TBXAS1: variants seen among roughly 807,000 people sequenced by gnomAD.
The protein encoded by TBXAS1 is thromboxane-A synthase.
TBXAS1 carries 48 observed loss-of-function variants against 60.7 expected under a neutral mutation model. The observed-to-expected ratio is 0.79, with a 90% CI of 0.63 to 1.01. The LOEUF (loss-of-function observed/expected upper bound fraction) is 1.01. TBXAS1 is among the 50% of genes least tolerant of loss of function. The pLI, the probability that TBXAS1 is intolerant of heterozygous loss-of-function variation, is 0.00. For synonymous variants in TBXAS1, 287 were observed against 269.7 expected (o/e 1.06, Z -0.63); for missense variants, 685 against 686.3 (o/e 1.00, Z 0.02).
chr7:139,871,803 T>C (rs764029000), intron 1 of TBXAS1, among the ~76,000 whole-genome samples: 1 of 152,242 alleles, frequency 6.6e-6, no homozygotes, highest in Non-Finnish European at 1.5e-5. Flanking sequence ...GTCTTGACCA[T>C]GAAAATACAC....
chr7:139,906,915 A>G (rs1057015164), intron 3 of TBXAS1, among the ~76,000 whole-genome samples: 1 of 152,186 alleles, frequency 6.6e-6, no homozygotes, highest in Non-Finnish European at 1.5e-5. Flanking sequence ...TGCTGAACTC[A>G]CTTATTAGTT....
chr7:139,997,863 GCCA>G (rs1813400573), intron 9 of TBXAS1, among the ~76,000 whole-genome samples: 2 of 152,180 alleles, frequency 1.3e-5, no homozygotes, highest in Non-Finnish European at 2.9e-5. Context: ...ACCCGGCAGT[GCCA>G]TGCCCAGATG....
chr7:139,916,593 C>G lies in TBXAS1; in HGVS notation c.333+5272C>G, dbSNP rs1014825259. ...CCTCTCAGGGGCTGCTTCACTCGCTCTCCACACAGCTGTGAACATTGCAGG... is the reference window on the plus strand; with the variant it reads ...CCTCTCAGGGGCTGCTTCACTCGCTGTCCACACAGCTGTGAACATTGCAGG... On this transcript the variant is annotated intron_variant, in intron 4 of 12. Transcript: ENST00000448866. This position sits in a 1 kb window ranked among gnomAD's most constrained non-coding sequence, Gnocchi z 4.2. Among the ~76,000 whole-genome samples, 3 of 152,232 alleles carry G rather than the reference C, an allele frequency of 2.0e-5. No individual in the cohort carries two copies. The highest frequency in any genetic ancestry group is 4.8e-5 in the African/African-American group (2 of 41,460).
chr7:139,785,040 T>TG, intron 3 of TBXAS1, among the ~76,000 whole-genome samples: 1 of 152,146 alleles, frequency 6.6e-6, no homozygotes, highest in Non-Finnish European at 1.5e-5. Context: ...CAGGAATCTC[T>TG]GGGGGTGGCA....
intron 4 of TBXAS1, among the ~76,000 whole-genome samples, chr7:139,790,035 C>T (rs973814744): frequency 3.3e-5 from 5 of 152,244 alleles, no homozygotes; most frequent in Non-Finnish European, 5.9e-5. Flanking sequence ...GGAGCAACAT[C>T]ATTATTTAGG....
rs147065470 is a variant in TBXAS1, at chr7:140,007,057, C to T, written c.1135-34C>T. On this transcript the variant is annotated intron_variant, in intron 9 of 12. Transcript: ENST00000448866. Reference sequence around the variant, plus strand: ...AAATGCTGTGAGATTTGGGCTAACACGAACTTCTCCCTTTGTCACGACCCC... The same window carrying T: ...AAATGCTGTGAGATTTGGGCTAACATGAACTTCTCCCTTTGTCACGACCCC... 3,118 of 1,586,928 alleles carry T rather than the reference C, an allele frequency of 2.0e-3. 62 individuals are homozygous for T. The African/African-American group carries it at 0.036, about 19-fold the overall frequency.
intron 9 of TBXAS1, among the ~76,000 whole-genome samples, chr7:139,987,319 CG>C (rs1569522930): frequency 6.6e-6 from 1 of 152,108 alleles, no homozygotes; most frequent in Non-Finnish European, 1.5e-5. Context: ...CCCAGGGTCC[CG>C]GGGAGACTAA....
At chr7:139,785,406 A>C (rs1323847905) in intron 3 of TBXAS1, among the ~76,000 whole-genome samples, 1 of 152,102 alleles carries the variant, frequency 6.6e-6, no homozygotes, top group African/African-American at 2.4e-5. Flanking sequence ...CTGGTAAACA[A>C]TAACCACCTC....
At chr7:139,952,976 G>A (rs1412315206) in intron 5 of TBXAS1, among the ~76,000 whole-genome samples, 3 of 152,112 alleles carry the variant, frequency 2.0e-5, no homozygotes, top group Admixed American at 1.3e-4. Flanking sequence ...CATAGACTTG[G>A]GTTAATTCCA....
intron 11 of TBXAS1, 129 bp from the exon 12 acceptor site, chr7:140,017,542 G>A: frequency 8.0e-7 from 1 of 1,250,418 alleles, no homozygotes; most frequent in Non-Finnish European, 1.1e-6. Flanking sequence ...TCAGGAATGA[G>A]CAGCCATCAG....
At chr7:139,945,774 G>A (rs111649012) in intron 5 of TBXAS1, among the ~76,000 whole-genome samples, 1 of 152,194 alleles carries the variant, frequency 6.6e-6, no homozygotes, top group Non-Finnish European at 1.5e-5. Context: ...TGGCTTAGCT[G>A]AGTGCAAAGG....
At chr7:139,939,310 G>T (rs984407315) in intron 5 of TBXAS1, among the ~76,000 whole-genome samples, 1 of 123,788 alleles carries the variant, frequency 8.1e-6, no homozygotes, top group African/African-American at 3.2e-5. Context: ...GTTGCAGTAA[G>T]CCAAGATCAT....
intron 1 of TBXAS1, among the ~76,000 whole-genome samples, chr7:139,856,461 G>C (rs928408473): frequency 2.0e-5 from 3 of 152,214 alleles, no homozygotes; most frequent in African/African-American, 7.2e-5. Flanking sequence ...AATTGGAAAG[G>C]AGAGCTTTAT....
chr7:140,011,276 C>CAAAA (rs796088893), intron 10 of TBXAS1, among the ~76,000 whole-genome samples: 1 of 32,206 alleles, frequency 3.1e-5, no homozygotes, highest in African/African-American at 1.1e-4. Context: ...GACTCTGTCT[C>CAAAA]AAAAAAAACA....
At chr7:140,016,689 T>C (rs1478112441) in intron 11 of TBXAS1, 1 of 158,036 alleles carries the variant, frequency 6.3e-6, no homozygotes, top group East Asian at 1.8e-4. Flanking sequence ...ATTTCTGGGC[T>C]CTGTGATTGG....
At chr7:139,996,704 T>A (rs1355199582) in intron 9 of TBXAS1, among the ~76,000 whole-genome samples, 1 of 152,238 alleles carries the variant, frequency 6.6e-6, no homozygotes, top group Non-Finnish European at 1.5e-5. Context: ...TTTATGACAG[T>A]GATTCTGAAA....
At chr7:139,830,162 T>C (rs1289091430) in intron 1 of TBXAS1, among the ~76,000 whole-genome samples, 1 of 152,208 alleles carries the variant, frequency 6.6e-6, no homozygotes, top group East Asian at 1.9e-4. Flanking sequence ...GAAGGCCTCA[T>C]AATATGCTAC....
At chr7:139,832,012 G>A (rs1798732222) in intron 1 of TBXAS1, among the ~76,000 whole-genome samples, 1 of 152,228 alleles carries the variant, frequency 6.6e-6, no homozygotes, top group Admixed American at 6.5e-5. Flanking sequence ...CTAGACTGCA[G>A]CTCCAGACAA....
rs192971808 is a variant in TBXAS1 at position 139,960,118 on chromosome 7, G to A, written c.820-1801G>A. 2.0e-5 allele frequency among the ~76,000 whole-genome samples: 3 copies of A among 152,276 alleles called. No individual in the cohort carries two copies. The East Asian group carries it at 5.8e-4, about 29-fold the overall frequency. ...GCTATTACAACCCAGCAGGCTGTTG[G>A]GAAGCTGAGGCCTTGCTTCCTTAGA... On this transcript the variant is annotated intron_variant, in intron 8 of 12. Transcript: ENST00000448866.
Sources: gnomAD v4.1 joint callset for allele counts (sites outside exome capture counted in the v4.1 genomes callset) on GRCh38, gnomAD v4.1.1 for gene constraint, Gnocchi (gnomAD v3.1) non-coding constraint, MANE v1.5 for transcripts, NCBI Gene and HGNC (gene_info 2026-07-23, HGNC 2026-07-21) for gene names.